Variants in GAS7 observed in about 807,000 individuals in gnomAD.
GAS7 encodes the protein growth arrest specific 7, also known as growth arrest-specific protein 7.
Under a neutral mutation model 71.1 loss-of-function variants are expected in GAS7, and 28 were observed. The ratio of observed to expected loss-of-function variants is 0.39; its 90% CI spans 0.29 to 0.54. The LOEUF (loss-of-function observed/expected upper bound fraction) is 0.54. Among genes scored for constraint, GAS7 ranks in the 20% least tolerant of loss-of-function variants. GAS7 has a pLI of 0.62. For synonymous variants in GAS7, 258 were observed against 245.8 expected, an observed-to-expected ratio of 1.05 and a Z score of -0.46; for missense variants, 436 against 627.8, an observed-to-expected ratio of 0.69 and a Z score of 3.27.
chr17:10,100,542 A>G (rs1337916483), intron 1 of GAS7, among the ~76,000 whole-genome samples: 1 of 152,146 alleles, frequency 6.6e-6, no homozygotes, highest in Non-Finnish European at 1.5e-5. Context: ...ATATCTTACC[A>G]GTTACCATTG....
At chr17:10,174,589 G>A (rs1445919848) in intron 1 of GAS7, among the ~76,000 whole-genome samples, 2 of 152,200 alleles carry the variant, frequency 1.3e-5, no homozygotes, top group Non-Finnish European at 2.9e-5. Context: ...CTACTCGGGA[G>A]GCCGAGGCAG....
chr17:10,132,791 A>T (rs1195213468), intron 1 of GAS7, among the ~76,000 whole-genome samples: 1 of 152,144 alleles, frequency 6.6e-6, no homozygotes. Flanking sequence ...AAAGCAATTT[A>T]ATCTTTAAAG....
In GAS7 at chr17:10,002,428, T is replaced by C. The variant is rs980870544; in HGVS notation, c.304+17349A>G. On this transcript the variant is annotated intron_variant, in intron 2 of 13. Transcript: ENST00000432992. ...CCACATCTTTTTATTTTTTTAATTA[T>C]ACTTTAAGTTCTAGGGTACATGTGC... 5.3e-5 allele frequency among the ~76,000 whole-genome samples: 8 copies of C among 151,968 alleles called. No homozygotes were observed. In the East Asian group the frequency reaches 1.4e-3, roughly 26 times the overall value.
At chr17:9,953,671 A>G (rs747784103) in intron 5 of GAS7, among the ~76,000 whole-genome samples, 32 of 152,238 alleles carry the variant, frequency 2.1e-4, no homozygotes, top group Non-Finnish European at 4.4e-4. Context: ...TTTCCATTCG[A>G]ACATCTGTTG....
intron 1 of GAS7, among the ~76,000 whole-genome samples, chr17:10,118,697 C>G: frequency 1.1e-5 from 1 of 92,104 alleles, no homozygotes; most frequent in Non-Finnish European, 2.0e-5. Flanking sequence ...GAGTGAGACT[C>G]TGTCTCCAAA....
At chr17:9,937,571 C>T (rs2068446902) in intron 8 of GAS7, among the ~76,000 whole-genome samples, 1 of 152,246 alleles carries the variant, frequency 6.6e-6, no homozygotes, top group Admixed American at 6.5e-5. Flanking sequence ...TGCTGGGCCG[C>T]CCTGCGGTCT....
chr17:10,153,268 G>A (rs1411464143), intron 1 of GAS7, among the ~76,000 whole-genome samples: 6 of 150,770 alleles, frequency 4.0e-5, no homozygotes, highest in Non-Finnish European at 7.4e-5. Flanking sequence ...TTGGGAGCCC[G>A]AGGTAGGCAG....
In GAS7 at chr17:10,162,032, A is replaced by G. The variant is rs968876957; in HGVS notation, c.183+36176T>C. Reference sequence around the variant, plus strand: ...CAGTGAGCCGAGATTGTGCCACTGCACTCCAGCCTGGGCGACAGAGCAAGA... The same window carrying G: ...CAGTGAGCCGAGATTGTGCCACTGCGCTCCAGCCTGGGCGACAGAGCAAGA... On this transcript the variant is annotated intron_variant, in intron 1 of 13. Coordinates refer to ENST00000432992, the MANE Select transcript of GAS7 (RefSeq NM_201433.2). Among the ~76,000 whole-genome samples, 3 of 136,934 alleles carry G rather than the reference A, an allele frequency of 2.2e-5. No homozygotes were observed. The Admixed American group carries it at 2.5e-4, about 11-fold the overall frequency. The allele number at this position is 136,934 out of a possible 152,430, so 89.8% of individuals were successfully genotyped here.
chr17:10,053,507 A>C lies in GAS7; in HGVS notation c.184-33610T>G, dbSNP rs540775157. 3.9e-5 allele frequency among the ~76,000 whole-genome samples: 6 copies of C among 152,232 alleles called. No homozygotes were observed. The South Asian group carries it at 1.2e-3, about 32-fold the overall frequency. ...ACCCCCAGCGCCTGAATGCCTGGTC[A>C]CCCTGGAGAAGCCCTTGTTTGTAGG... On this transcript the variant is annotated intron_variant, in intron 1 of 13. Transcript: ENST00000432992.
chr17:10,032,111 GAA>G (rs749716743), intron 1 of GAS7, among the ~76,000 whole-genome samples: 65 of 74,762 alleles, frequency 8.7e-4, no homozygotes, highest in African/African-American at 2.7e-3. Context: ...GGGAACCTCA[GAA>G]AAAAAAAAAA....
At chr17:10,047,906 T>C (rs2073002725) in intron 1 of GAS7, among the ~76,000 whole-genome samples, 1 of 152,170 alleles carries the variant, frequency 6.6e-6, no homozygotes, top group African/African-American at 2.4e-5. Flanking sequence ...TTTAAAAATA[T>C]TCCATTATTA....
intron 1 of GAS7, among the ~76,000 whole-genome samples, chr17:10,087,503 G>T (rs1002537150): frequency 6.6e-6 from 1 of 152,204 alleles, no homozygotes; most frequent in Non-Finnish European, 1.5e-5. Flanking sequence ...AGTCAATAAA[G>T]GTTCACTGAG....
chr17:10,110,768 A>G (rs9891204), intron 1 of GAS7, among the ~76,000 whole-genome samples: 115,857 of 152,086 alleles, frequency 0.76, 44,781 homozygotes, highest in Non-Finnish European at 0.84. Context: ...CACTGCGCCC[A>G]GCCAGAAGAT....
chr17:10,020,769 T>C lies in GAS7; in HGVS notation c.184-872A>G, dbSNP rs748874584. Among the ~76,000 whole-genome samples, 59 of 152,110 alleles carry C rather than the reference T, an allele frequency of 3.9e-4. 1 individual carries two copies. Among genetic ancestry groups the C allele is most frequent in the Non-Finnish European group, 4.1e-4 (28 of 67,980 alleles). ...TCTACTAAAAATACAAAAAATTAGCTAGGCGTGGTGGTGTGCGCCTGTAGT... is the reference window on the plus strand; with the variant it reads ...TCTACTAAAAATACAAAAAATTAGCCAGGCGTGGTGGTGTGCGCCTGTAGT... On this transcript the variant is annotated intron_variant, in intron 1 of 13. Transcript: ENST00000432992.
intron 3 of GAS7, among the ~76,000 whole-genome samples, chr17:9,976,628 T>C (rs922173163): frequency 4.6e-5 from 7 of 152,172 alleles, no homozygotes; most frequent in Admixed American, 4.6e-4. Flanking sequence ...CCCTTCAGCC[T>C]CTGCAAAGGC....
intron 10 of GAS7, 59 bp from the exon 11 acceptor site, chr17:9,925,658 G>GA: frequency 1.2e-6 from 2 of 1,600,290 alleles, no homozygotes; most frequent in Non-Finnish European, 1.7e-6. Context: ...GGGCCTCCTG[G>GA]GCCACGCAGC....
At position 9,915,425 on chromosome 17, in the gene GAS7, C is replaced by G. The variant is rs1272203424; in HGVS notation, c.*1803G>C. On this transcript the variant is annotated 3_prime_UTR_variant, in exon 14 of 14. Transcript: ENST00000432992. ...CTGGTGTCATGACCCAACCCCAGATCTGGACAGAGTGGTTCTCCATCCCAT... is the reference window on the plus strand; with the variant it reads ...CTGGTGTCATGACCCAACCCCAGATGTGGACAGAGTGGTTCTCCATCCCAT... 4.3e-6 allele frequency: 1 copy of G among 230,378 alleles called. No homozygotes were observed. The highest frequency in any genetic ancestry group is 2.2e-5 in the African/African-American group (1 of 45,150). 14.3% of individuals were successfully genotyped at this position (230,378 alleles called of 1,614,324 possible). A position where few individuals can be genotyped will look rare whatever the true frequency, so the allele number is the denominator to read the frequency against.
At chr17:10,013,729 T>C (rs1190377122) in intron 2 of GAS7, among the ~76,000 whole-genome samples, 1 of 152,240 alleles carries the variant, frequency 6.6e-6, no homozygotes, top group African/African-American at 2.4e-5. Flanking sequence ...AACACTCTTA[T>C]CATAAACCTG....
chr17:10,088,152 C>A (rs1043401789), intron 1 of GAS7, among the ~76,000 whole-genome samples: 1 of 150,962 alleles, frequency 6.6e-6, no homozygotes, highest in Non-Finnish European at 1.5e-5. Flanking sequence ...ACCCAGGAGG[C>A]GGAGGTTGCA....
Sources: allele counts gnomAD v4.1 joint callset (sites outside exome capture counted in the v4.1 genomes callset), GRCh38; gene constraint gnomAD v4.1.1; transcripts MANE v1.5; gene names NCBI Gene and HGNC (gene_info 2026-07-23, HGNC 2026-07-21).